Variants in PAK1 observed in about 807,000 individuals in gnomAD.
The protein encoded by PAK1 is serine/threonine-protein kinase PAK 1.
Under a neutral mutation model 67.4 loss-of-function variants are expected in PAK1, and 29 were observed. The ratio of observed to expected loss-of-function variants is 0.43; its 90% CI spans 0.32 to 0.59. PAK1 has a LOEUF of 0.59. Among genes scored for constraint, PAK1 ranks in the 20% least tolerant of loss-of-function variants. The probability of loss-of-function intolerance (pLI) is 0.07; values close to 1 mark genes in which losing one functional copy is unlikely to be tolerated. For synonymous variants in PAK1, 223 were observed against 237.4 expected, an observed-to-expected ratio of 0.94 and a Z score of 0.56; for missense variants, 337 against 670.7, an observed-to-expected ratio of 0.50 and a Z score of 5.50.
At chr11:77,345,399 A>G (rs142405337) in intron 9 of PAK1, among the ~76,000 whole-genome samples, 181 of 152,258 alleles carry the variant, frequency 1.2e-3, no homozygotes, top group Admixed American at 0.01. Flanking sequence ...ATTATTTTCT[A>G]AGTGTTCATT....
chr11:77,521,103 G>A, the PAK1 span, among the ~76,000 whole-genome samples: 1 of 151,356 alleles, frequency 6.6e-6, no homozygotes, highest in African/African-American at 2.4e-5. Flanking sequence ...TGGGAAGCTT[G>A]GCTTAATTGG....
chr11:77,420,689 G>A (rs1955212350), intron 1 of PAK1, among the ~76,000 whole-genome samples: 1 of 152,200 alleles, frequency 6.6e-6, no homozygotes, highest in African/African-American at 2.4e-5. Context: ...CAAACCATCA[G>A]CAACTTTTGT....
At chr11:77,394,096 A>G (rs1017088161) in intron 1 of PAK1, among the ~76,000 whole-genome samples, 2 of 152,228 alleles carry the variant, frequency 1.3e-5, no homozygotes, top group African/African-American at 4.8e-5. Flanking sequence ...TTGACAATGG[A>G]TACATATGAA....
At chr11:77,478,976 T>C (rs1259114028), upstream of PAK1, among the ~76,000 whole-genome samples, 7 of 150,722 alleles carry the variant, frequency 4.6e-5, no homozygotes, top group African/African-American at 1.5e-4. Context: ...TCCCAGCTGC[T>C]TGGGAGGCTG....
chr11:77,484,513 T>C, the PAK1 span, among the ~76,000 whole-genome samples: 3 of 152,212 alleles, frequency 2.0e-5, no homozygotes, highest in Admixed American at 2.0e-4. Context: ...TTCTTAGAAT[T>C]AAGATTTTAT....
the PAK1 span, among the ~76,000 whole-genome samples, chr11:77,511,207 G>C: frequency 1.2e-4 from 18 of 152,224 alleles, no homozygotes; most frequent in East Asian, 1.7e-3. Flanking sequence ...CACAGGGAAG[G>C]GGGGCAGGAT....
chr11:77,326,378 C>T (rs879355486), intron 14 of PAK1, among the ~76,000 whole-genome samples: 2 of 152,180 alleles, frequency 1.3e-5, no homozygotes, highest in Admixed American at 6.5e-5. Flanking sequence ...CCAAAAGCCA[C>T]ACTCACTAAT....
chr11:77,371,342 T>C (rs975600797), intron 5 of PAK1, among the ~76,000 whole-genome samples: 9 of 152,220 alleles, frequency 5.9e-5, no homozygotes, highest in Non-Finnish European at 1.5e-5. Flanking sequence ...TATAACCCTA[T>C]TGTACATTAT....
rs1318777302 is a variant in PAK1, at chr11:77,473,674, G to C, written c.-144C>G. On this transcript the variant is annotated 5_prime_UTR_variant, in exon 1 of 15. Coordinates refer to ENST00000356341, the MANE Select transcript of PAK1 (RefSeq NM_002576.5). The stretch of plus-strand genomic sequence containing the variant: ...GCTTCACTTTCTCCCTCCTGCCGCC[G>C]CCGCCGCGCTGCCCGTGGCGGGGCT... The C allele has an allele frequency of 6.7e-6, 1 of 148,456 alleles. No homozygotes were observed. The highest frequency in any genetic ancestry group is 1.5e-5 in the Non-Finnish European group (1 of 67,136). The allele number at this position is 148,456 out of a possible 1,614,324, so 9.2% of individuals were successfully genotyped here.
At chr11:77,420,780 T>C (rs1008054815) in intron 1 of PAK1, among the ~76,000 whole-genome samples, 3 of 152,186 alleles carry the variant, frequency 2.0e-5, no homozygotes, top group Non-Finnish European at 2.9e-5. Flanking sequence ...CAGGGGATAT[T>C]TGGCAATGTC....
chr11:77,432,445 G>GA lies in PAK1; in HGVS notation c.-21-39905dup, dbSNP rs368041750. 3.5e-4 allele frequency among the ~76,000 whole-genome samples: 52 copies of GA among 147,026 alleles called. No homozygotes were observed. The South Asian group carries it at 5.6e-3, about 16-fold the overall frequency. On this transcript the variant is annotated intron_variant, in intron 1 of 14. Coordinates refer to ENST00000356341, the MANE Select transcript of PAK1 (RefSeq NM_002576.5). ...AGGTTCTGGTCAGAGCAATTAGGTG[G>GA]AAAAAAAAAAGAAATAAAGAAAAGA...
At chr11:77,332,060 TG>T (rs1357608431) in intron 14 of PAK1, among the ~76,000 whole-genome samples, 1 of 151,682 alleles carries the variant, frequency 6.6e-6, no homozygotes, top group East Asian at 2.0e-4. Context: ...CCCAGCACTT[TG>T]GGAAAGCGAA....
chr11:77,496,759 G>T, the PAK1 span, among the ~76,000 whole-genome samples: 1 of 151,946 alleles, frequency 6.6e-6, no homozygotes, highest in African/African-American at 2.4e-5. Flanking sequence ...ATGGCAAAAC[G>T]CTGTCTCTAC....
intron 1 of PAK1, among the ~76,000 whole-genome samples, chr11:77,432,456 G>T (rs1030193362): frequency 1.6e-4 from 25 of 151,720 alleles, no homozygotes; most frequent in Non-Finnish European, 3.5e-4. Flanking sequence ...AAAAAAAAAA[G>T]AAATAAAGAA....
chr11:77,372,974 CA>C (rs1164427286), intron 5 of PAK1, among the ~76,000 whole-genome samples: 2 of 152,162 alleles, frequency 1.3e-5, no homozygotes, highest in South Asian at 4.1e-4. Flanking sequence ...AAGTCAGAGA[CA>C]GCCCCTGGCT....
At chr11:77,325,388 A>T (rs529549357) in intron 14 of PAK1, 1 of 1,612,928 alleles carries the variant, frequency 6.2e-7, no homozygotes, top group African/African-American at 1.3e-5. Context: ...TGTAAAAATG[A>T]GAATAGAACC....
In PAK1 at chr11:77,333,408, G is replaced by A. The variant is rs149373311; in HGVS notation, c.1414-541C>T. 9.0e-3 allele frequency among the ~76,000 whole-genome samples: 1,363 copies of A among 152,046 alleles called. 22 individuals carry two copies. The highest frequency in any genetic ancestry group is 0.034 in the Middle Eastern group (10 of 294). On this transcript the variant is annotated intron_variant, in intron 13 of 14. Transcript: ENST00000356341. ...AGACGGGGTTTTACCATGTTGGCCT[G>A]GCTGGTCTCAAACTCCTAGACTCAA...
At chr11:77,458,952 T>A (rs577351925) in intron 1 of PAK1, among the ~76,000 whole-genome samples, 1 of 152,076 alleles carries the variant, frequency 6.6e-6, no homozygotes, top group Non-Finnish European at 1.5e-5. Flanking sequence ...AAATCATAAA[T>A]GGGAGGATGA....
Position 77,322,899 on chromosome 11 carries a change from GATA to G in PAK1, c.*372_*374del. 3.6e-6 allele frequency: 2 copies of G among 555,012 alleles called. No homozygotes were observed. Among genetic ancestry groups the G allele is most frequent in the South Asian group, 4.9e-5 (2 of 40,698 alleles). The allele number at this position is 555,012 out of a possible 1,614,324, so 34.4% of individuals were successfully genotyped here. A position where few individuals can be genotyped will look rare whatever the true frequency, so the allele number is the denominator to read the frequency against. On this transcript the variant is annotated 3_prime_UTR_variant, in exon 15 of 15. Transcript: ENST00000356341. ...AAGAAATCTCAATTGATTACAAATTGATAATATTATCAAACCATAAATTTATAT... is the reference window on the plus strand; with the variant it reads ...AAGAAATCTCAATTGATTACAAATTGATATTATCAAACCATAAATTTATAT...
Sources: gnomAD v4.1 joint callset for allele counts (sites outside exome capture counted in the v4.1 genomes callset) on GRCh38, gnomAD v4.1.1 for gene constraint, MANE v1.5 for transcripts, NCBI Gene and HGNC (gene_info 2026-07-23, HGNC 2026-07-21) for gene names.